The following INSL6 variants were observed in gnomAD, a reference collection of about 807,000 sequenced individuals.
INSL6 encodes insulin-like peptide INSL6.
In INSL6, 16 loss-of-function variants were observed where a neutral mutation model predicts 9.4. The ratio of observed to expected loss-of-function variants is 1.70; its 90% CI spans 1.15 to 2.59. The LOEUF is 2.59. Among genes scored for constraint, INSL6 ranks in the 30% most tolerant of loss-of-function variants. INSL6 has a pLI of 0.00. For missense variants in INSL6, 391 were observed against 257.3 expected (o/e 1.52, Z -3.56); for synonymous variants, 154 against 96.9 (o/e 1.59, Z -3.46).
At chr9:5,062,011 T>C in the INSL6 span, among the ~76,000 whole-genome samples, 2 of 152,096 alleles carry the variant, frequency 1.3e-5, no homozygotes, top group Non-Finnish European at 2.9e-5. Context: ...AGTCAGAACA[T>C]ATACAAATTT....
At chr9:5,121,281 C>A (rs1273469403), downstream of INSL6, among the ~76,000 whole-genome samples, 1 of 152,128 alleles carries the variant, frequency 6.6e-6, no homozygotes, top group Non-Finnish European at 1.5e-5. Flanking sequence ...GGAAATCTCA[C>A]CCTTTTATAT....
At position 5,185,563 on chromosome 9, in the gene INSL6, G is replaced by C. The variant is rs200880390; in HGVS notation, c.40C>G (p.Leu14Val). The change falls in exon 1 of 2, where the codon CTC becomes GTC. Residue 14 changes from leucine to valine, a missense_variant. Leu to Val is a conservative substitution (Grantham distance 32). Transcript: ENST00000381641. ...TCACGAGAAAACCGAACCAGCAGGAGTCCAAGCCACAGCAGGGACAAGCGG... is the reference window on the plus strand; with the variant it reads ...TCACGAGAAAACCGAACCAGCAGGACTCCAAGCCACAGCAGGGACAAGCGG... ...LLRLSLLWLG[L>V]LLVRFSRELS... 3.1e-6 allele frequency: 5 copies of C among 1,613,788 alleles called. No individual in the cohort carries two copies. Among genetic ancestry groups the C allele is most frequent in the East Asian group, 2.2e-5 (1 of 44,874 alleles).
the INSL6 span, chr9:5,091,097 C>T: frequency 2.1e-6 from 1 of 466,466 alleles, no homozygotes; most frequent in Non-Finnish European, 3.8e-6. Context: ...GGGAAAATGG[C>T]ATATGCTTTA....
chr9:5,063,843 C>T, the INSL6 span, among the ~76,000 whole-genome samples: 1 of 152,114 alleles, frequency 6.6e-6, no homozygotes, highest in Non-Finnish European at 1.5e-5. Flanking sequence ...TTTTGGCTGA[C>T]TACATGTTCA....
At chr9:5,022,031 C>T in the INSL6 span, 81 of 1,613,988 alleles carry the variant, frequency 5.0e-5, no homozygotes, top group Non-Finnish European at 6.9e-5. Context: ...GAGGGAACAT[C>T]CACCTCTTCT....
At chr9:5,170,922 C>G (rs1408500542) in intron 1 of INSL6, among the ~76,000 whole-genome samples, 1 of 152,146 alleles carries the variant, frequency 6.6e-6, no homozygotes, top group Non-Finnish European at 1.5e-5. Context: ...CAAAGAGGAG[C>G]TGATATTCTT....
intron 1 of INSL6, among the ~76,000 whole-genome samples, chr9:5,177,685 A>G (rs7038813): frequency 0.37 from 56,080 of 151,728 alleles, 11,439 homozygotes; most frequent in African/African-American, 0.57. Flanking sequence ...AGCCACCCAA[A>G]GCAAAAGCTG....
chr9:5,081,141 C>T, the INSL6 span, among the ~76,000 whole-genome samples: 9 of 151,984 alleles, frequency 5.9e-5, no homozygotes, highest in South Asian at 2.1e-4. Context: ...GTGATCCGCC[C>T]GCCTCGGCCT....
At chr9:5,046,685 T>A in the INSL6 span, among the ~76,000 whole-genome samples, 1 of 152,200 alleles carries the variant, frequency 6.6e-6, no homozygotes, top group Non-Finnish European at 1.5e-5. Context: ...GGCACCTTTG[T>A]TGAAAATCAT....
chr9:5,096,381 TCAA>T, the INSL6 span, among the ~76,000 whole-genome samples: 1 of 152,132 alleles, frequency 6.6e-6, no homozygotes, highest in Non-Finnish European at 1.5e-5. Flanking sequence ...TGAACGCAAA[TCAA>T]CCACTTTAAT....
the INSL6 span, among the ~76,000 whole-genome samples, chr9:5,047,696 T>G: frequency 1.3e-5 from 2 of 152,202 alleles, no homozygotes; most frequent in Non-Finnish European, 2.9e-5. Flanking sequence ...CTCCAGTGAT[T>G]GTCTTGCTTC....
chr9:5,066,821 TTTA>T, the INSL6 span: 1 of 932,040 alleles, frequency 1.1e-6, no homozygotes, highest in Non-Finnish European at 1.6e-6. Flanking sequence ...GTGGTAACAC[TTTA>T]TTTAGTTCAT....
chr9:5,109,721 CTTT>C, the INSL6 span: 1 of 152,158 alleles, frequency 6.6e-6, no homozygotes, highest in Non-Finnish European at 1.5e-5. Context: ...TCTCACTAAG[CTTT>C]AGACTACTTC....
At position 5,185,576 on chromosome 9, in the gene INSL6, C is replaced by G; in HGVS notation, c.27G>C (p.Leu9=). MPRLLRLS[L]LWLGLLLVRF... ...GAACCAGCAGGAGTCCAAGCCACAG[C>G]AGGGACAAGCGGAGGAGCCGCGGCA... Residue 9 remains leucine (L), a synonymous_variant, in exon 1 of 2, where the codon CTG becomes CTC. Transcript: ENST00000381641. 7 of 1,613,784 alleles carry G rather than the reference C, an allele frequency of 4.3e-6. No individual in the cohort carries two copies. The highest frequency in any genetic ancestry group is 5.9e-6 in the Non-Finnish European group (7 of 1,179,972).
chr9:5,039,906 C>T, the INSL6 span, among the ~76,000 whole-genome samples: 2 of 152,126 alleles, frequency 1.3e-5, no homozygotes, highest in Admixed American at 1.3e-4. Context: ...TCTGTATGTT[C>T]AATGCAATTC....
the INSL6 span, among the ~76,000 whole-genome samples, chr9:5,092,952 C>T: frequency 7.2e-5 from 11 of 152,162 alleles, no homozygotes; most frequent in East Asian, 3.8e-4. Flanking sequence ...AAAATAACAT[C>T]GCCATAGTTG....
chr9:5,179,044 CA>C lies in INSL6; in HGVS notation c.289+6269del, dbSNP rs57246500. 2.5e-3 allele frequency among the ~76,000 whole-genome samples: 325 copies of C among 132,592 alleles called. 1 individual carries two copies. The highest frequency in any genetic ancestry group is 5.5e-3 in the East Asian group (25 of 4,578). The allele number at this position is 132,592 out of a possible 152,430, so 87.0% of individuals were successfully genotyped here. A position where few individuals can be genotyped will look rare whatever the true frequency, so the allele number is the denominator to read the frequency against. On this transcript the variant is annotated intron_variant, in intron 1 of 1. Transcript: ENST00000381641. ...ATTAAACTAAAGGGCTTCTGCACAG[CA>C]AAAAAAAAAAAAAATCATGAGAGTG...
intron 2 of INSL6, among the ~76,000 whole-genome samples, chr9:5,145,934 T>C (rs946192776): frequency 6.6e-5 from 10 of 152,188 alleles, no homozygotes; most frequent in Admixed American, 2.0e-4. Flanking sequence ...TATTCTGAAT[T>C]CTACTTCTGT....
At chr9:5,151,484 C>G (rs1264631739) in intron 2 of INSL6, among the ~76,000 whole-genome samples, 59 of 149,902 alleles carry the variant, frequency 3.9e-4, no homozygotes, top group Non-Finnish European at 1.5e-5. Context: ...ATGTATGGCA[C>G]AAACACCAGA....
Sources: gnomAD v4.1 joint callset for allele counts (sites outside exome capture counted in the v4.1 genomes callset) on GRCh38, gnomAD v4.1.1 for gene constraint, MANE v1.5 for transcripts, NCBI Gene and HGNC (gene_info 2026-07-23, HGNC 2026-07-21) for gene names.